The following KANSL1L variants were observed in gnomAD, a reference collection of about 807,000 sequenced individuals.
KANSL1L encodes KAT8 regulatory NSL complex subunit 1 like.
In KANSL1L, 25 loss-of-function variants were observed where a neutral mutation model predicts 108.6. The ratio of observed to expected loss-of-function variants is 0.23; its 90% CI spans 0.17 to 0.32. KANSL1L has a LOEUF of 0.32. Among genes scored for constraint, KANSL1L ranks in the 10% least tolerant of loss-of-function variants. KANSL1L has a pLI of 1.00. For missense variants in KANSL1L, 1,137 were observed against 1,125.7 expected (o/e 1.01, Z -0.14); for synonymous variants, 405 against 395.1 (o/e 1.03, Z -0.30).
At chr2:210,086,937 G>A (rs1462575056) in intron 5 of KANSL1L, among the ~76,000 whole-genome samples, 1 of 151,918 alleles carries the variant, frequency 6.6e-6, no homozygotes, top group Non-Finnish European at 1.5e-5. Context: ...ATAGAATGTA[G>A]CTGAAATGTT....
chr2:210,027,299 T>C lies in KANSL1L; in HGVS notation c.2448A>G (p.Glu816=), dbSNP rs201524395. 5.5e-5 allele frequency: 89 copies of C among 1,607,934 alleles called. No individual in the cohort carries two copies. The highest frequency in any genetic ancestry group is 7.2e-5 in the Non-Finnish European group (85 of 1,174,646). ...QPLDEYNLGK[E]EIEDLSDEVF... ...CATTAAATGAAAGGCAGCTTACCTCTTCTTTGCCTAAATTATATTCATCCA... is the reference window on the plus strand; with the variant it reads ...CATTAAATGAAAGGCAGCTTACCTCCTCTTTGCCTAAATTATATTCATCCA... Residue 816 remains glutamate, a synonymous_variant, in exon 12 of 15, where the codon GAA becomes GAG. Transcript: ENST00000281772.
intron 2 of KANSL1L, among the ~76,000 whole-genome samples, chr2:210,146,742 G>A (rs1024085577): frequency 3.3e-5 from 5 of 152,184 alleles, no homozygotes; most frequent in Admixed American, 6.5e-5. Context: ...ATGTGTTGGG[G>A]TGAAGAAGAG....
rs1480277701 is a variant in KANSL1L, at chr2:210,096,972, C to CTT, written c.1550+1112_1550+1113dup. On this transcript the variant is annotated intron_variant, in intron 5 of 14. Coordinates refer to ENST00000281772, the MANE Select transcript of KANSL1L (RefSeq NM_152519.4). ...TTATTTATTTTTTTGGAGACAGAGTCTTGCTCTGTTGCCCAGGCTGGAGTG... is the reference window on the plus strand; with the variant it reads ...TTATTTATTTTTTTGGAGACAGAGTCTTTTGCTCTGTTGCCCAGGCTGGAGTG... 27 of 220,568 alleles carry CTT rather than the reference C, an allele frequency of 1.2e-4. No homozygotes were observed. The South Asian group carries it at 3.5e-3, about 28-fold the overall frequency. The allele number at this position is 220,568 out of a possible 1,614,324, so 13.7% of individuals were successfully genotyped here. A position where few individuals can be genotyped will look rare whatever the true frequency, so the allele number is the denominator to read the frequency against.
chr2:210,130,346 T>C (rs1046192618), intron 2 of KANSL1L, among the ~76,000 whole-genome samples: 2 of 152,226 alleles, frequency 1.3e-5, no homozygotes, highest in Non-Finnish European at 2.9e-5. Flanking sequence ...TTTATTAATT[T>C]TTTAAAATGC....
intron 6 of KANSL1L, among the ~76,000 whole-genome samples, chr2:210,053,953 A>G (rs1229623347): frequency 6.6e-6 from 1 of 152,178 alleles, no homozygotes; most frequent in Admixed American, 6.5e-5. Context: ...GTTTACAGAA[A>G]GAAAATATAA....
intron 2 of KANSL1L, among the ~76,000 whole-genome samples, chr2:210,136,718 T>G (rs1325714582): frequency 6.6e-6 from 1 of 152,038 alleles, no homozygotes; most frequent in Non-Finnish European, 1.5e-5. Context: ...GGAAGGAAAA[T>G]CTTTTCCTAA....
In KANSL1L at chr2:210,080,100, T is replaced by C. The variant is rs1034195733; in HGVS notation, c.1551-4344A>G. On this transcript the variant is annotated intron_variant, in intron 5 of 14. Transcript: ENST00000281772. ...CAATTATTTGGAAAGAACAATCTGATCCTGTCATACCTGCCCTGCCACCCT... is the reference window on the plus strand; with the variant it reads ...CAATTATTTGGAAAGAACAATCTGACCCTGTCATACCTGCCCTGCCACCCT... Among the ~76,000 whole-genome samples the C allele has an allele frequency of 7.9e-5, 12 of 151,026 alleles. No homozygotes were observed. In the Admixed American group the frequency reaches 8.0e-4, roughly 10 times the overall value.
chr2:210,125,277 A>T (rs931087822), intron 3 of KANSL1L, among the ~76,000 whole-genome samples: 2 of 152,102 alleles, frequency 1.3e-5, no homozygotes, highest in African/African-American at 2.4e-5. Context: ...AAGAAAAGAA[A>T]ATTTGAATAG....
chr2:210,156,509 C>T (rs1294580969), intron 1 of KANSL1L, among the ~76,000 whole-genome samples: 2 of 151,870 alleles, frequency 1.3e-5, no homozygotes, highest in Admixed American at 1.3e-4. Flanking sequence ...AGTATCAATA[C>T]AGAAAGACCT....
In KANSL1L at chr2:210,024,084, C is replaced by G. The variant is rs754103344; in HGVS notation, c.2682G>C (p.Gln894His). 48 of 1,607,918 alleles carry G rather than the reference C, an allele frequency of 3.0e-5. No individual in the cohort carries two copies. Among genetic ancestry groups the G allele is most frequent in the Non-Finnish European group, 4.1e-5 (48 of 1,176,972 alleles). The change falls in exon 14 of 15, where the codon CAG (glutamine) becomes CAC (histidine). Residue 894 changes from glutamine to histidine, a missense_variant. Transcript: ENST00000281772. ...AAGGTAAGCCATATGCACACAGATC[C>G]TGGTTCTCTGAAGGAAGCCCAGGAG... ...ASPPGLPSENQDLCAYGLPSL... is the reference protein window; with the variant it reads ...ASPPGLPSENHDLCAYGLPSL...
At chr2:210,029,675 ATAGT>A (rs1349202455) in intron 10 of KANSL1L, 124 bp downstream of exon 10, 3 of 468,428 alleles carry the variant, frequency 6.4e-6, no homozygotes, top group Middle Eastern at 5.3e-4. Flanking sequence ...TTCTAACAAG[ATAGT>A]TATAAATGTC....
At chr2:210,149,184 A>G (rs949268147) in intron 2 of KANSL1L, among the ~76,000 whole-genome samples, 1 of 152,098 alleles carries the variant, frequency 6.6e-6, no homozygotes. Context: ...TAGAAGAGAG[A>G]AATTTCAGAT....
intron 6 of KANSL1L, among the ~76,000 whole-genome samples, chr2:210,062,029 A>G (rs1175524106): frequency 6.6e-6 from 1 of 152,232 alleles, no homozygotes; most frequent in East Asian, 1.9e-4. Context: ...GGGTATGAAT[A>G]TCAAATTAAA....
intron 11 of KANSL1L, among the ~76,000 whole-genome samples, chr2:210,027,766 T>A (rs1346431380): frequency 6.6e-6 from 1 of 152,126 alleles, no homozygotes; most frequent in Non-Finnish European, 1.5e-5. Flanking sequence ...CTCACAGAAG[T>A]CTTCTATATT....
intron 6 of KANSL1L, among the ~76,000 whole-genome samples, chr2:210,065,942 A>G (rs2094464034): frequency 6.6e-6 from 1 of 152,126 alleles, no homozygotes; most frequent in East Asian, 1.9e-4. Flanking sequence ...GCCTAATGCC[A>G]TAATGGGTTG....
At chr2:210,099,708 T>A (rs2094774313) in intron 4 of KANSL1L, among the ~76,000 whole-genome samples, 1 of 152,150 alleles carries the variant, frequency 6.6e-6, no homozygotes, top group African/African-American at 2.4e-5. Context: ...TAAAATCTTT[T>A]AAGCCACTGG....
At chr2:210,146,525 T>G (rs1247047035) in intron 2 of KANSL1L, among the ~76,000 whole-genome samples, 1 of 152,238 alleles carries the variant, frequency 6.6e-6, no homozygotes, top group Non-Finnish European at 1.5e-5. Flanking sequence ...AAATGCCAGT[T>G]TGTTTCATCT....
intron 11 of KANSL1L, 161 bp downstream of exon 11, chr2:210,028,684 C>T: frequency 1.7e-6 from 1 of 573,358 alleles, no homozygotes; most frequent in Non-Finnish European, 3.1e-6. Flanking sequence ...TACTATATAA[C>T]ACTTAAGGCA....
At chr2:210,141,194 C>G (rs2095226185) in intron 2 of KANSL1L, among the ~76,000 whole-genome samples, 1 of 150,984 alleles carries the variant, frequency 6.6e-6, no homozygotes, top group Non-Finnish European at 1.5e-5. Flanking sequence ...CTCCCTTTCT[C>G]TTTTTCTTTT....
Sources: allele counts gnomAD v4.1 joint callset (sites outside exome capture counted in the v4.1 genomes callset), GRCh38; gene constraint gnomAD v4.1.1; transcripts MANE v1.5; gene names NCBI Gene and HGNC (gene_info 2026-07-23, HGNC 2026-07-21).